ADAM12: variants seen among roughly 807,000 people sequenced by gnomAD.
The protein encoded by ADAM12 is ADAM metallopeptidase domain 12.
ADAM12 carries 70 observed loss-of-function variants against 106.4 expected under a neutral mutation model. The ratio of observed to expected loss-of-function variants is 0.66; its 90% CI spans 0.54 to 0.80. The LOEUF (loss-of-function observed/expected upper bound fraction) is 0.80. ADAM12 is among the 30% of genes least tolerant of loss of function. The probability of loss-of-function intolerance (pLI) is 0.00; values close to 1 mark genes in which losing one functional copy is unlikely to be tolerated. For missense variants in ADAM12, 1,010 were observed against 1,171.9 expected, an observed-to-expected ratio of 0.86 and a Z score of 2.02; for synonymous variants, 420 against 433.5, an observed-to-expected ratio of 0.97 and a Z score of 0.39.
intron 18 of ADAM12, among the ~76,000 whole-genome samples, chr10:126,040,885 T>G (rs1055848606): frequency 5.3e-5 from 8 of 152,002 alleles, no homozygotes; most frequent in Admixed American, 3.9e-4. Context: ...AGTGACTGAC[T>G]CCATTTCCCT....
intron 3 of ADAM12, among the ~76,000 whole-genome samples, chr10:126,225,680 C>A (rs926913993): frequency 6.6e-6 from 1 of 152,160 alleles, no homozygotes; most frequent in African/African-American, 2.4e-5. Context: ...TCAGCCACTC[C>A]GATAACCAGC....
intron 3 of ADAM12, among the ~76,000 whole-genome samples, chr10:126,202,841 T>A (rs970784736): frequency 1.3e-5 from 2 of 152,198 alleles, no homozygotes; most frequent in African/African-American, 4.8e-5. Flanking sequence ...GTCTCTGAAA[T>A]GCTCTAACAT....
intron 3 of ADAM12, among the ~76,000 whole-genome samples, chr10:126,277,290 G>C (rs988089415): frequency 6.6e-6 from 1 of 151,976 alleles, no homozygotes; most frequent in African/African-American, 2.4e-5. Context: ...TTTTTATGAG[G>C]TCGATTTTTG....
At position 126,320,531 on chromosome 10, in the gene ADAM12, A is replaced by C. The variant is rs147085029; in HGVS notation, c.186+9881T>G. Among the ~76,000 whole-genome samples, 272 of 152,330 alleles carry C rather than the reference A, an allele frequency of 1.8e-3. 1 individual carries two copies. Among genetic ancestry groups the C allele is most frequent in the African/African-American group, 6.3e-3 (262 of 41,586 alleles). On this transcript the variant is annotated intron_variant, in intron 2 of 22. Coordinates refer to ENST00000448723, the MANE Select transcript of ADAM12 (RefSeq NM_001288973.2). ...ACAAAAACATCTTCATCACTATCAC[A>C]ACTACTTATTGAGTGATTATTAAGG...
At chr10:126,378,153 C>T (rs1416106832) in intron 1 of ADAM12, among the ~76,000 whole-genome samples, 1 of 152,034 alleles carries the variant, frequency 6.6e-6, no homozygotes, top group African/African-American at 2.4e-5. Flanking sequence ...CTGAAATTAC[C>T]AAGTATTAAC....
chr10:126,359,765 A>G (rs911287541), intron 1 of ADAM12, among the ~76,000 whole-genome samples: 1 of 152,140 alleles, frequency 6.6e-6, no homozygotes, highest in African/African-American at 2.4e-5. Context: ...TGGGGTCTGG[A>G]GGATGGGGCG....
At chr10:126,286,027 T>C (rs577011045) in intron 2 of ADAM12, among the ~76,000 whole-genome samples, 4 of 151,942 alleles carry the variant, frequency 2.6e-5, no homozygotes, top group East Asian at 1.9e-4. Flanking sequence ...CCTTCTTTAA[T>C]GTGTGCGATT....
At position 126,111,204 on chromosome 10, in the gene ADAM12, A is replaced by G. The variant is rs114448964; in HGVS notation, c.604-1364T>C. 2.0e-3 allele frequency among the ~76,000 whole-genome samples: 307 copies of G among 152,360 alleles called. 1 individual carries two copies. Among genetic ancestry groups the G allele is most frequent in the African/African-American group, 7.2e-3 (299 of 41,574 alleles). On this transcript the variant is annotated intron_variant, in intron 6 of 22. Coordinates refer to ENST00000448723, the MANE Select transcript of ADAM12 (RefSeq NM_001288973.2). ...TATCTGGAAACCTTATGGAAAAGGA[A>G]AAATAAAGCACCAGGAAAGGTACAA...
At chr10:126,086,651 CAAAAAAAAAAA>C (rs1171936921) in intron 11 of ADAM12, among the ~76,000 whole-genome samples, 4 of 16,930 alleles carry the variant, frequency 2.4e-4, no homozygotes, top group South Asian at 3.8e-3. Flanking sequence ...GACTCTGCCT[CAAAAAAAAAAA>C]AAAAAAAAAA....
intron 1 of ADAM12, among the ~76,000 whole-genome samples, chr10:126,367,423 C>T (rs1292136906): frequency 6.6e-6 from 1 of 151,760 alleles, no homozygotes; most frequent in Non-Finnish European, 1.5e-5. Context: ...AGGAGTACTG[C>T]ACCAGGGATA....
intron 3 of ADAM12, among the ~76,000 whole-genome samples, chr10:126,171,390 AG>A (rs1481333626): frequency 6.6e-6 from 1 of 152,206 alleles, no homozygotes; most frequent in African/African-American, 2.4e-5. Context: ...AAACCGTGGC[AG>A]GGGTGGTTAG....
intron 1 of ADAM12, among the ~76,000 whole-genome samples, chr10:126,331,559 C>T (rs1484121544): frequency 6.6e-6 from 1 of 152,134 alleles, no homozygotes; most frequent in Non-Finnish European, 1.5e-5. Context: ...TTACTACTCC[C>T]GTAGTCACTG....
rs1178658906 is a variant in ADAM12 at position 126,375,449 on chromosome 10, T to C, written c.88+12609A>G. On this transcript the variant is annotated intron_variant, in intron 1 of 22. Transcript: ENST00000448723. ...AATAATAAAAAAACAGGAGGCACAA[T>C]GAAGGGCACTAAACCATGGTTAGCT... Among the ~76,000 whole-genome samples the C allele has an allele frequency of 2.6e-5, 4 of 152,026 alleles. No individual in the cohort carries two copies. In the Middle Eastern group the frequency reaches 0.01, roughly 388 times the overall value.
intron 5 of ADAM12, among the ~76,000 whole-genome samples, chr10:126,133,375 A>G (rs1473285723): frequency 6.6e-6 from 1 of 152,130 alleles, no homozygotes; most frequent in Non-Finnish European, 1.5e-5. Flanking sequence ...ACGCTTCCTC[A>G]GGAAAGTGAC....
At chr10:126,087,057 GT>G (rs1183191718) in intron 11 of ADAM12, among the ~76,000 whole-genome samples, 1 of 151,676 alleles carries the variant, frequency 6.6e-6, no homozygotes, top group Non-Finnish European at 1.5e-5. Context: ...AATTTAAAAA[GT>G]TCATCGATGA....
At chr10:126,289,795 C>T (rs1833482137) in intron 2 of ADAM12, among the ~76,000 whole-genome samples, 1 of 152,170 alleles carries the variant, frequency 6.6e-6, no homozygotes, top group Non-Finnish European at 1.5e-5. Context: ...CAGCTGTGGG[C>T]CATGGACTGA....
At chr10:126,159,843 C>G (rs535443072) in intron 3 of ADAM12, among the ~76,000 whole-genome samples, 3 of 152,280 alleles carry the variant, frequency 2.0e-5, no homozygotes, top group Non-Finnish European at 4.4e-5. Context: ...CATCATCATC[C>G]AAGTGTCATT....
rs1954418472 is a variant in ADAM12, at chr10:126,049,499, C to A, written c.1719-48G>T. The A allele has an allele frequency of 1.2e-6, 2 of 1,613,340 alleles. No homozygotes were observed. Among genetic ancestry groups the A allele is most frequent in the Non-Finnish European group, 1.7e-6 (2 of 1,179,368 alleles). ...TTCCCAAGGAGAAACCATTTGGAAC[C>A]AACCCTATGCAATGTGGGAAGGTCA... On this transcript the variant is annotated intron_variant, in intron 15 of 22. Transcript: ENST00000448723. The surrounding 1 kb of genome is among the most constrained non-coding windows in gnomAD (Gnocchi z 4.4).
At chr10:126,234,108 T>G (rs527928920) in intron 3 of ADAM12, among the ~76,000 whole-genome samples, 1 of 152,220 alleles carries the variant, frequency 6.6e-6, no homozygotes, top group African/African-American at 2.4e-5. Context: ...CCCAAGCTCA[T>G]GGACAGGCAC....
Sources: allele counts gnomAD v4.1 joint callset (sites outside exome capture counted in the v4.1 genomes callset), GRCh38; gene constraint gnomAD v4.1.1; non-coding constraint Gnocchi (gnomAD v3.1); transcripts MANE v1.5; gene names NCBI Gene and HGNC (gene_info 2026-07-23, HGNC 2026-07-21).